Variants in ART3 observed in about 807,000 individuals in gnomAD.
ART3 encodes the protein ADP-ribosyltransferase 3 (inactive).
In ART3, 49 loss-of-function variants were observed where a neutral mutation model predicts 48.5. The ratio of observed to expected loss-of-function variants is 1.01; its 90% CI spans 0.80 to 1.28. The LOEUF is 1.28. Ranked by LOEUF, ART3 falls within the 50% of genes most tolerant of loss-of-function variation. The pLI, the probability that ART3 is intolerant of heterozygous loss-of-function variation, is 0.00. For missense variants in ART3, 438 were observed against 454.3 expected, an observed-to-expected ratio of 0.96 and a Z score of 0.33; for synonymous variants, 145 against 157.2, an observed-to-expected ratio of 0.92 and a Z score of 0.58.
chr4:76,087,440 T>C lies in ART3; in HGVS notation c.781+4905T>C, dbSNP rs1366517912. The stretch of plus-strand genomic sequence containing the variant: ...TTTAAAGACAGGCAGTTTGAAACAG[T>C]GTGAAGAACAATGGCCAAGTGTTTT... On this transcript the variant is annotated intron_variant, in intron 3 of 11. Coordinates refer to ENST00000355810, the MANE Select transcript of ART3 (RefSeq NM_001130016.3). Among the ~76,000 whole-genome samples, 5 of 152,000 alleles carry C rather than the reference T, an allele frequency of 3.3e-5. No individual in the cohort carries two copies. The East Asian group carries it at 9.7e-4, about 29-fold the overall frequency.
intron 1 of ART3, among the ~76,000 whole-genome samples, chr4:76,054,923 A>G (rs1578349004): frequency 6.6e-6 from 1 of 152,342 alleles, no homozygotes. Flanking sequence ...AGCCAATAAA[A>G]CATTTCTGTC....
intron 8 of ART3, among the ~76,000 whole-genome samples, chr4:76,102,118 A>AAT (rs761583700): frequency 7.2e-5 from 11 of 152,250 alleles, no homozygotes; most frequent in Non-Finnish European, 1.5e-4. Context: ...TTTGGCTTTA[A>AAT]AGACAGAGAA....
chr4:76,033,018 G>T (rs1734020383), intron 1 of ART3, among the ~76,000 whole-genome samples: 1 of 151,784 alleles, frequency 6.6e-6, no homozygotes, highest in South Asian at 2.1e-4. Context: ...ATGCAATATA[G>T]ATATATCTGA....
rs571562397 is a variant in ART3 at position 76,028,822 on chromosome 4, A to C, written c.-10+17502A>C. Among the ~76,000 whole-genome samples, 7 of 152,334 alleles carry C rather than the reference A, an allele frequency of 4.6e-5. No individual in the cohort carries two copies. In the East Asian group the frequency reaches 1.3e-3, roughly 29 times the overall value. On this transcript the variant is annotated intron_variant, in intron 1 of 9. Transcript: ENST00000341029. ...GCTGGCAAAGTGGGTGGTAGACCCTAACAATCATCATGGCATTGGAGGAGG... is the reference window on the plus strand; with the variant it reads ...GCTGGCAAAGTGGGTGGTAGACCCTCACAATCATCATGGCATTGGAGGAGG...
At position 76,019,243 on chromosome 4, in the gene ART3, A is replaced by C. The variant is rs1732538930; in HGVS notation, c.-10+7923A>C. 2.0e-5 allele frequency among the ~76,000 whole-genome samples: 3 copies of C among 151,808 alleles called. No individual in the cohort carries two copies. In the South Asian group the frequency reaches 6.2e-4, roughly 32 times the overall value. The stretch of plus-strand genomic sequence containing the variant: ...GAAAAGTAGAGTAATTACAGAGAAT[A>C]AAAGCAGTACTATTCTGGTGATGGC... On this transcript the variant is annotated intron_variant, in intron 1 of 9. Transcript: ENST00000341029.
At chr4:76,048,701 A>G (rs1307116997) in intron 1 of ART3, among the ~76,000 whole-genome samples, 4 of 151,964 alleles carry the variant, frequency 2.6e-5, no homozygotes, top group African/African-American at 9.7e-5. Flanking sequence ...CCCAGACCAC[A>G]TGGAGGACTG....
intron 1 of ART3, among the ~76,000 whole-genome samples, chr4:76,059,291 T>C (rs886834720): frequency 5.3e-5 from 8 of 152,140 alleles, no homozygotes; most frequent in African/African-American, 1.7e-4. Flanking sequence ...AAGAATCTAA[T>C]AGCAGATATT....
At position 76,024,407 on chromosome 4, in the gene ART3, GA is replaced by G. The variant is rs72561720; in HGVS notation, c.-10+13096del. ...AGACACTGTTAAATGCAAAGAAAAAGAAAAAAAAAGTGTTGGCCATTGAGCT... is the reference window on the plus strand; with the variant it reads ...AGACACTGTTAAATGCAAAGAAAAAGAAAAAAAAGTGTTGGCCATTGAGCT... On this transcript the variant is annotated intron_variant, in intron 1 of 9. Transcript: ENST00000341029. Among the ~76,000 whole-genome samples, 885 of 150,342 alleles carry G rather than the reference GA, an allele frequency of 5.9e-3. 8 individuals carry two copies. The highest frequency in any genetic ancestry group is 0.021 in the African/African-American group (855 of 40,998).
At chr4:76,035,079 G>A in intron 1 of ART3, 1 of 1,613,868 alleles carries the variant, frequency 6.2e-7, no homozygotes, top group Non-Finnish European at 8.5e-7. Flanking sequence ...TTCGATTTGG[G>A]ATTTAGGCAT....
At chr4:76,017,261 G>C (rs889031017) in intron 1 of ART3, among the ~76,000 whole-genome samples, 1 of 147,744 alleles carries the variant, frequency 6.8e-6, no homozygotes, top group Non-Finnish European at 1.5e-5. Flanking sequence ...TGGTTATTCA[G>C]TGCCCAAGGG....
chr4:76,100,071 A>G (rs1726929148), intron 5 of ART3, among the ~76,000 whole-genome samples: 1 of 152,186 alleles, frequency 6.6e-6, no homozygotes, highest in Non-Finnish European at 1.5e-5. Flanking sequence ...GCTATTTGTA[A>G]TGACTTTTCT....
chr4:76,098,708 C>T (rs987123094), intron 4 of ART3, among the ~76,000 whole-genome samples: 4 of 152,048 alleles, frequency 2.6e-5, no homozygotes, highest in South Asian at 2.1e-4. Flanking sequence ...TGCAGTGAGC[C>T]GGGATCGTGC....
intron 3 of ART3, among the ~76,000 whole-genome samples, chr4:76,083,876 T>G (rs549924266): frequency 4.0e-4 from 61 of 152,292 alleles, no homozygotes; most frequent in South Asian, 2.1e-3. Flanking sequence ...GAATTAGAAA[T>G]GGCTGTTAGA....
Position 76,098,881 on chromosome 4 carries a change from A to T in ART3, c.815-74A>T. On this transcript the variant is annotated intron_variant, in intron 4 of 11. Coordinates refer to ENST00000355810, the MANE Select transcript of ART3 (RefSeq NM_001130016.3). ...AACACAATCTTTATTTTTAATGAAC[A>T]TTTAAAAATAGACTGATCCTGACAT... 3.2e-6 allele frequency: 4 copies of T among 1,250,784 alleles called. No homozygotes were observed. In the South Asian group the frequency reaches 5.5e-5, roughly 17 times the overall value. 77.5% of individuals were successfully genotyped at this position (1,250,784 alleles called of 1,614,324 possible).
chr4:76,104,378 A>G (rs1728007296), intron 9 of ART3: 1 of 985,408 alleles, frequency 1.0e-6, no homozygotes, highest in Non-Finnish European at 1.2e-6. Context: ...TCCTGGCATA[A>G]ACATGCTCAG....
intron 1 of ART3, among the ~76,000 whole-genome samples, chr4:76,058,893 C>G (rs1315434891): frequency 1.3e-5 from 2 of 152,090 alleles, no homozygotes; most frequent in East Asian, 1.9e-4. Flanking sequence ...TTCCAGAGCT[C>G]TGTGTGGTGA....
intron 1 of ART3, among the ~76,000 whole-genome samples, chr4:76,052,216 G>T (rs960384810): frequency 6.6e-5 from 10 of 152,078 alleles, no homozygotes; most frequent in Non-Finnish European, 1.5e-4. Flanking sequence ...CTCTTTCTGG[G>T]ACTTTGACAT....
chr4:76,085,254 G>A (rs1723306885), intron 3 of ART3, among the ~76,000 whole-genome samples: 1 of 152,182 alleles, frequency 6.6e-6, no homozygotes, highest in South Asian at 2.1e-4. Flanking sequence ...GTGTGCAGTA[G>A]GCCTCAAAGT....
At chr4:76,052,035 G>A (rs1162260551) in intron 1 of ART3, among the ~76,000 whole-genome samples, 1 of 151,280 alleles carries the variant, frequency 6.6e-6, no homozygotes, top group Non-Finnish European at 1.5e-5. Flanking sequence ...AGCCTGCCGA[G>A]TAGCCTGGAT....
Sources: gnomAD v4.1 joint callset for allele counts (sites outside exome capture counted in the v4.1 genomes callset) on GRCh38, gnomAD v4.1.1 for gene constraint, MANE v1.5 for transcripts, NCBI Gene and HGNC (gene_info 2026-07-23, HGNC 2026-07-21) for gene names.